Variants in PDE8B observed in about 807,000 individuals in gnomAD.
PDE8B encodes the protein phosphodiesterase 8B, also known as high affinity cAMP-specific and IBMX-insensitive 3',5'-cyclic phosphodiesterase 8B.
Under a neutral mutation model 101.3 loss-of-function variants are expected in PDE8B, and 26 were observed. The ratio of observed to expected loss-of-function variants is 0.26; its 90% CI spans 0.19 to 0.36. The LOEUF (loss-of-function observed/expected upper bound fraction) is 0.36, where lower values mean the gene tolerates loss of function less well. Ranked by LOEUF, PDE8B falls within the 10% of genes least tolerant of loss-of-function variation. The pLI is 1.00. For missense variants in PDE8B, 810 were observed against 1,163.1 expected, an observed-to-expected ratio of 0.70 and a Z score of 4.42; for synonymous variants, 424 against 429.3, an observed-to-expected ratio of 0.99 and a Z score of 0.15.
chr5:77,145,767 G>A, the PDE8B span: 5 of 152,270 alleles, frequency 3.3e-5, no homozygotes, highest in Middle Eastern at 3.4e-3. Flanking sequence ...TGAAAGGGAC[G>A]GAAAGAGTAC....
chr5:77,292,290 C>T (rs772239977), intron 1 of PDE8B, among the ~76,000 whole-genome samples: 1 of 152,082 alleles, frequency 6.6e-6, no homozygotes, highest in Admixed American at 6.5e-5. Flanking sequence ...TTCCTCCTGC[C>T]CCCAACAGTT....
chr5:77,390,155 G>C (rs1013768174), intron 10 of PDE8B, among the ~76,000 whole-genome samples: 1 of 152,006 alleles, frequency 6.6e-6, no homozygotes, highest in Admixed American at 6.5e-5. Flanking sequence ...AAATGATTAA[G>C]AGACAAATGA....
At chr5:77,426,092 CTTGATGGATTT>C in intron 21 of PDE8B, 196 bp downstream of exon 21, 1 of 639,300 alleles carries the variant, frequency 1.6e-6, no homozygotes. Context: ...GTGCAGAAGA[CTTGATGGATTT>C]TTGATAGCTG....
At chr5:77,173,038 G>A in the PDE8B span, among the ~76,000 whole-genome samples, 1 of 152,208 alleles carries the variant, frequency 6.6e-6, no homozygotes, top group Non-Finnish European at 1.5e-5. Context: ...ATCAGTGAAT[G>A]CATGTAGAGG....
intron 6 of PDE8B, among the ~76,000 whole-genome samples, chr5:77,343,450 A>G (rs1395680738): frequency 1.3e-5 from 2 of 152,228 alleles, no homozygotes; most frequent in Non-Finnish European, 2.9e-5. Context: ...TTTTAACACA[A>G]TGGCATTTGT....
intron 1 of PDE8B, among the ~76,000 whole-genome samples, chr5:77,277,699 G>T (rs1764119515): frequency 2.0e-5 from 3 of 152,148 alleles, no homozygotes; most frequent in Non-Finnish European, 4.4e-5. Context: ...GGAAATGGGA[G>T]ATCAGAGATG....
the PDE8B span, chr5:77,147,160 T>C: frequency 5.8e-6 from 2 of 347,670 alleles, no homozygotes; most frequent in African/African-American, 2.2e-5. Context: ...ATGATGATAA[T>C]GAGTAAGTTG....
chr5:77,254,660 A>G (rs1297399882), intron 1 of PDE8B, among the ~76,000 whole-genome samples: 1 of 152,170 alleles, frequency 6.6e-6, no homozygotes, highest in Non-Finnish European at 1.5e-5. Context: ...TGGTTGGAAC[A>G]TTAACTTGAA....
chr5:77,369,203 C>CAAAAAAAAAA (rs70988667), intron 10 of PDE8B, among the ~76,000 whole-genome samples: 2 of 79,018 alleles, frequency 2.5e-5, no homozygotes, highest in Non-Finnish European at 4.5e-5. Flanking sequence ...TCCACTGTCT[C>CAAAAAAAAAA]AAAAAAAAAA....
chr5:77,358,344 C>T lies in PDE8B; in HGVS notation c.1167+4938C>T, dbSNP rs978938748. ...TAGGACTCAACTCAGCTTCTCTTCC[C>T]CCCAGGAAATCTTCCAAACCTTCCA... On this transcript the variant is annotated intron_variant, in intron 10 of 21. Transcript: ENST00000264917. 8.8e-6 allele frequency: 5 copies of T among 565,692 alleles called. No individual in the cohort carries two copies. The East Asian group carries it at 7.2e-4, about 82-fold the overall frequency. 35.0% of individuals were successfully genotyped at this position (565,692 alleles called of 1,614,324 possible).
intron 10 of PDE8B, among the ~76,000 whole-genome samples, chr5:77,379,488 ACT>A (rs1486710356): frequency 6.6e-6 from 1 of 152,218 alleles, no homozygotes; most frequent in Non-Finnish European, 1.5e-5. Context: ...CATAAAATGT[ACT>A]GAAGTGGTAT....
intron 19 of PDE8B, 81 bp downstream of exon 19, chr5:77,419,968 T>G: frequency 1.3e-6 from 2 of 1,506,950 alleles, no homozygotes; most frequent in Non-Finnish European, 1.8e-6. Flanking sequence ...GCATTTTCTC[T>G]CCCACTCAAA....
chr5:77,213,304 C>G (rs6885282), intron 1 of PDE8B, among the ~76,000 whole-genome samples: 110,276 of 152,218 alleles, frequency 0.72, 41,588 homozygotes, highest in East Asian at 0.97. Context: ...AAATGAAACC[C>G]CTGGTTCATT....
In PDE8B at chr5:77,211,245, C is replaced by T. The variant is rs1748293895; in HGVS notation, c.320C>T (p.Thr107Ile). 2 of 1,575,856 alleles carry T rather than the reference C, an allele frequency of 1.3e-6. No homozygotes were observed. The highest frequency in any genetic ancestry group is 8.6e-7 in the Non-Finnish European group (1 of 1,169,292). ...AGCAGCGCCGAGGCCGAGACTCAGACCTGCTACACCAGCGTGAAGGTAAAT... is the reference window on the plus strand; with the variant it reads ...AGCAGCGCCGAGGCCGAGACTCAGATCTGCTACACCAGCGTGAAGGTAAAT... ...CCSSAEAETQTCYTSVKQVSS... is the reference protein window; with the variant it reads ...CCSSAEAETQICYTSVKQVSS... The change falls in exon 1 of 22, where the codon ACC (threonine) becomes ATC (isoleucine). Residue 107 changes from threonine to isoleucine, a missense_variant. Thr to Ile is a moderately conservative substitution (Grantham distance 89). Around this residue, in one of 4 missense-constraint regions of PDE8B, gnomAD observed 251 missense variants for 378.8 expected, o/e 0.66. Transcript: ENST00000264917. This position sits in a 1 kb window ranked among gnomAD's most constrained non-coding sequence, Gnocchi z 4.1.
At chr5:77,264,150 T>A (rs1422077287) in intron 1 of PDE8B, among the ~76,000 whole-genome samples, 1 of 152,250 alleles carries the variant, frequency 6.6e-6, no homozygotes, top group African/African-American at 2.4e-5. Flanking sequence ...ATTTTCCATT[T>A]AATGGACATA....
At chr5:77,394,849 C>A (rs1790668623) in intron 10 of PDE8B, among the ~76,000 whole-genome samples, 1 of 152,180 alleles carries the variant, frequency 6.6e-6, no homozygotes, top group Admixed American at 6.5e-5. Context: ...GGCTTTGCAG[C>A]AGGGGATTGA....
intron 1 of PDE8B, among the ~76,000 whole-genome samples, chr5:77,217,078 T>C (rs1580367215): frequency 6.6e-6 from 1 of 152,354 alleles, no homozygotes; most frequent in Non-Finnish European, 1.5e-5. Context: ...TATTAAAATA[T>C]GTCCAGTTAT....
At chr5:77,307,265 T>C (rs1267628440) in intron 1 of PDE8B, among the ~76,000 whole-genome samples, 1 of 152,114 alleles carries the variant, frequency 6.6e-6, no homozygotes, top group Non-Finnish European at 1.5e-5. Context: ...CCCAACCCAG[T>C]ATCTTCGTCC....
the PDE8B span, among the ~76,000 whole-genome samples, chr5:77,134,893 T>TG: frequency 1.3e-5 from 2 of 152,270 alleles, no homozygotes; most frequent in South Asian, 4.1e-4. Flanking sequence ...ACAGGAGCCA[T>TG]GGGGAACTGG....
Sources: allele counts gnomAD v4.1 joint callset (sites outside exome capture counted in the v4.1 genomes callset), GRCh38; gene constraint gnomAD v4.1.1; regional missense constraint gnomAD v4.1.1; non-coding constraint Gnocchi (gnomAD v3.1); transcripts MANE v1.5; gene names NCBI Gene and HGNC (gene_info 2026-07-23, HGNC 2026-07-21).